The following VCF2 variants were observed in gnomAD, a reference collection of about 807,000 sequenced individuals.
The protein encoded by VCF2 is protein VCF2.
the VCF2 span, among the ~76,000 whole-genome samples, chrX:55,158,168 G>T: frequency 4.5e-4 from 50 of 112,179 alleles, no homozygotes; most frequent in Non-Finnish European, 7.9e-4. Context: ...AGAGGACCTG[G>T]ATTGATAATC....
the VCF2 span, among the ~76,000 whole-genome samples, chrX:55,158,139 G>A: frequency 8.9e-5 from 10 of 112,141 alleles, no homozygotes; most frequent in Non-Finnish European, 1.9e-4. Flanking sequence ...TCATACCTGT[G>A]TATAGGTAGG....
chrX:55,154,993 G>C, the VCF2 span, among the ~76,000 whole-genome samples: 6 of 112,214 alleles, frequency 5.3e-5, no homozygotes, highest in Admixed American at 9.4e-5. Flanking sequence ...ATGCTGACTG[G>C]GGAAATAGAG....
At chrX:55,150,440 G>C in the VCF2 span, among the ~76,000 whole-genome samples, 1 of 111,424 alleles carries the variant, frequency 9.0e-6, no homozygotes, top group Non-Finnish European at 1.9e-5. Flanking sequence ...ATCTAATGCT[G>C]CTGCTGACCT....
At chrX:55,150,481 C>T in the VCF2 span, among the ~76,000 whole-genome samples, 11 of 111,667 alleles carry the variant, frequency 9.9e-5, no homozygotes, top group East Asian at 2.8e-4. Context: ...CAGTATTTCT[C>T]GCTTGCCCAC....
chrX:55,152,525 T>C, the VCF2 span, among the ~76,000 whole-genome samples: 1 of 112,014 alleles, frequency 8.9e-6, no homozygotes, highest in South Asian at 3.7e-4. Context: ...AGACCAGAGA[T>C]TCATTTTCTT....
the VCF2 span, among the ~76,000 whole-genome samples, chrX:55,147,039 T>C: frequency 2.3e-3 from 255 of 112,109 alleles, no homozygotes; most frequent in Middle Eastern, 9.1e-3. Context: ...CTAACATGAT[T>C]CAGTGTCTTT....
At chrX:55,144,590 A>ATG in the VCF2 span, among the ~76,000 whole-genome samples, 440 of 106,727 alleles carry the variant, frequency 4.1e-3, 2 homozygotes, top group South Asian at 0.015. Flanking sequence ...AACCATGAAA[A>ATG]TGTGTGTGTG....
chrX:55,146,203 A>G, the VCF2 span: 1 of 1,211,290 alleles, frequency 8.3e-7, no homozygotes, highest in African/African-American at 1.7e-5. Flanking sequence ...AACTGGGGAA[A>G]GTTTGCATCG....
At chrX:55,146,746 G>A in the VCF2 span, among the ~76,000 whole-genome samples, 1 of 112,432 alleles carries the variant, frequency 8.9e-6, no homozygotes, top group African/African-American at 3.2e-5. Context: ...ATGGGTAAAA[G>A]TTACAATGAA....
chrX:55,150,284 A>C, the VCF2 span, among the ~76,000 whole-genome samples: 1 of 111,810 alleles, frequency 8.9e-6, no homozygotes, highest in East Asian at 2.8e-4. Context: ...TGTAGAAGAC[A>C]ATTTTTCCAC....
At chrX:55,151,425 T>C in the VCF2 span, among the ~76,000 whole-genome samples, 1 of 112,599 alleles carries the variant, frequency 8.9e-6, no homozygotes, top group Admixed American at 9.4e-5. Context: ...AGTAAGTAAT[T>C]TACCCAATTA....
chrX:55,145,245 C>T, the VCF2 span: 1 of 651,491 alleles, frequency 1.5e-6, no homozygotes, highest in East Asian at 1.6e-4. Context: ...TTAACATTAA[C>T]TCTATACATA....
At chrX:55,160,857 G>A in the VCF2 span, 2 of 1,156,083 alleles carry the variant, frequency 1.7e-6, no homozygotes, top group Non-Finnish European at 2.3e-6. Context: ...GGCTTGTAAG[G>A]CACTGACAAC....
the VCF2 span, among the ~76,000 whole-genome samples, chrX:55,150,518 T>A: frequency 9.0e-6 from 1 of 111,710 alleles, no homozygotes; most frequent in African/African-American, 3.3e-5. Context: ...TGCGGCCTGG[T>A]TCCTAAGAGG....
At chrX:55,143,532 G>A in the VCF2 span, 16 of 209,787 alleles carry the variant, frequency 7.6e-5, no homozygotes, top group East Asian at 1.2e-3. Flanking sequence ...CAAAATTTTC[G>A]CTGTTTATAG....
chrX:55,146,371 T>C, the VCF2 span: 2 of 1,054,950 alleles, frequency 1.9e-6, no homozygotes, highest in Non-Finnish European at 1.3e-6. Context: ...TTTTCCTACT[T>C]GGCTTGGAGA....
the VCF2 span, among the ~76,000 whole-genome samples, chrX:55,160,374 C>T: frequency 8.9e-6 from 1 of 112,385 alleles, no homozygotes; most frequent in African/African-American, 3.2e-5. Flanking sequence ...GCTTACAATA[C>T]GTTTGCATTG....
At chrX:55,143,386 A>G in the VCF2 span, 1 of 113,883 alleles carries the variant, frequency 8.8e-6, no homozygotes, top group East Asian at 2.7e-4. Flanking sequence ...GATTTTACAA[A>G]TTGTGTTTAC....
chrX:55,153,773 C>T, the VCF2 span, among the ~76,000 whole-genome samples: 1 of 112,028 alleles, frequency 8.9e-6, no homozygotes, highest in African/African-American at 3.2e-5. Context: ...AAATCTCCTG[C>T]TTATGGATTC....
Sources: gnomAD v4.1 joint callset for allele counts (sites outside exome capture counted in the v4.1 genomes callset) on GRCh38, gnomAD v4.1.1 for gene constraint, MANE v1.5 for transcripts, NCBI Gene and HGNC (gene_info 2026-07-23, HGNC 2026-07-21) for gene names.